The following PNPLA4 variants were observed in gnomAD, a reference collection of about 807,000 sequenced individuals.
PNPLA4 encodes patatin-like phospholipase domain-containing protein 4.
PNPLA4 carries 15 observed loss-of-function variants against 18.3 expected under a neutral mutation model. The ratio of observed to expected loss-of-function variants is 0.82; its 90% CI spans 0.55 to 1.26. The LOEUF is 1.26. Among genes scored for constraint, PNPLA4 ranks in the 50% most tolerant of loss-of-function variants. The pLI is 0.00. For missense variants in PNPLA4, 229 were observed against 196.8 expected (o/e 1.16, Z -0.98); for synonymous variants, 88 against 85.6 (o/e 1.03, Z -0.16).
chrX:7,918,679 C>T (rs1160548916), intron 4 of PNPLA4, among the ~76,000 whole-genome samples: 2 of 111,232 alleles, frequency 1.8e-5, no homozygotes, highest in Non-Finnish European at 3.8e-5. Flanking sequence ...GTGGGGTGAC[C>T]TTCAGGCAGC....
At chrX:7,919,626 A>G (rs1924151228) in intron 4 of PNPLA4, among the ~76,000 whole-genome samples, 1 of 112,237 alleles carries the variant, frequency 8.9e-6, no homozygotes, top group African/African-American at 3.2e-5. Flanking sequence ...CTTTAATTTA[A>G]TCACATCTAC....
chrX:7,920,413 G>A (rs775188074), intron 4 of PNPLA4, among the ~76,000 whole-genome samples: 1 of 112,167 alleles, frequency 8.9e-6, no homozygotes, highest in African/African-American at 3.2e-5. Flanking sequence ...ATAGAATAAT[G>A]TCTTTTTATA....
Position 7,900,697 on chromosome X carries a change from A to G in PNPLA4, c.751T>C (p.Trp251Arg). The G allele has an allele frequency of 8.7e-7, 1 of 1,149,726 alleles. No homozygotes were observed. The highest frequency in any genetic ancestry group is 2.4e-4 in the Middle Eastern group (1 of 4,144). 94.8% of individuals were successfully genotyped at this position (1,149,726 alleles called of 1,213,427 possible). A position where few individuals can be genotyped will look rare whatever the true frequency, so the allele number is the denominator to read the frequency against. ...AACTTTTATGCATTTTATTCAAACC[A>G]ATTTTCTTTAAGTAAAAACTTAACA... ...DTVKFLLKEN[W>R]FE is the part of the protein sequence containing the mutation. Residue 251 changes from tryptophan (W) to arginine (R), a missense_variant, in exon 7 of 7, where the codon TGG becomes CGG. Trp to Arg is a moderately radical substitution (Grantham distance 101, BLOSUM62 -3). Transcript: ENST00000381042.
intron 5 of PNPLA4, among the ~76,000 whole-genome samples, chrX:7,906,937 C>T (rs777260520): frequency 3.3e-4 from 37 of 112,134 alleles, no homozygotes; most frequent in African/African-American, 1.2e-3. Context: ...GGCCAAGAAG[C>T]GATCTTGTAA....
At chrX:7,906,512 C>G (rs1923709925) in intron 5 of PNPLA4, among the ~76,000 whole-genome samples, 1 of 111,982 alleles carries the variant, frequency 8.9e-6, no homozygotes, top group Admixed American at 9.5e-5. Context: ...AAACACCATA[C>G]AGAAAATTTT....
chrX:7,922,880 C>T (rs1165460046), intron 2 of PNPLA4, among the ~76,000 whole-genome samples: 1 of 112,112 alleles, frequency 8.9e-6, no homozygotes, highest in Non-Finnish European at 1.9e-5. Context: ...GGACAAGATA[C>T]AAAGACCCTG....
chrX:7,927,705 C>T (rs759154595), upstream of PNPLA4: 1 of 113,034 alleles, frequency 8.8e-6, no homozygotes, highest in Admixed American at 9.3e-5. Flanking sequence ...TCCTCATTTT[C>T]TGTGCCCCGG....
chrX:7,927,678 C>T (rs1241385381), upstream of PNPLA4: 1 of 112,909 alleles, frequency 8.9e-6, no homozygotes, highest in African/African-American at 3.2e-5. Flanking sequence ...TACCTGCGAG[C>T]AACTGACCTT....
At chrX:7,911,237 G>A (rs981246259) in intron 5 of PNPLA4, among the ~76,000 whole-genome samples, 10 of 111,901 alleles carry the variant, frequency 8.9e-5, no homozygotes, top group African/African-American at 2.3e-4. Context: ...TCCAGTATAC[G>A]TTAAATAAAC....
At chrX:7,922,234 T>C in intron 2 of PNPLA4, 136 bp from the exon 3 acceptor site, 2 of 492,327 alleles carry the variant, frequency 4.1e-6, no homozygotes, top group Middle Eastern at 5.0e-4. Context: ...ATTCCCCACC[T>C]GGCCGGGGCC....
intron 5 of PNPLA4, among the ~76,000 whole-genome samples, chrX:7,903,406 T>G (rs1324213753): frequency 9.1e-6 from 1 of 110,249 alleles, no homozygotes; most frequent in Non-Finnish European, 1.9e-5. Context: ...TTCACGCCAT[T>G]CTCCTGCCTC....
chrX:7,902,822 T>G (rs1205843713), intron 5 of PNPLA4, among the ~76,000 whole-genome samples: 3 of 111,770 alleles, frequency 2.7e-5, no homozygotes, highest in African/African-American at 9.8e-5. Context: ...CCTCAGCCCC[T>G]AGCTCTACAG....
At chrX:7,911,462 T>C (rs1310566830) in intron 5 of PNPLA4, among the ~76,000 whole-genome samples, 1 of 110,726 alleles carries the variant, frequency 9.0e-6, no homozygotes, top group Non-Finnish European at 1.9e-5. Context: ...TGGAAGCCCA[T>C]GTCTAAATTT....
At position 7,925,861 on chromosome X, in the gene PNPLA4, T is replaced by C. The variant is rs918421157; in HGVS notation, c.180+79A>G. On this transcript the variant is annotated intron_variant, in intron 2 of 6. Transcript: ENST00000381042. ...CGATTATTTCTCTGCAGTGTTAACT[T>C]AGTAGAGTCAATGCTGGTGTTTGCC... 2.3e-5 allele frequency: 19 copies of C among 834,550 alleles called. No individual in the cohort carries two copies. The South Asian group carries it at 2.7e-4, about 12-fold the overall frequency. 68.8% of individuals were successfully genotyped at this position (834,550 alleles called of 1,213,427 possible).
chrX:7,901,547 G>A (rs750912934), intron 6 of PNPLA4, among the ~76,000 whole-genome samples: 20 of 111,805 alleles, frequency 1.8e-4, no homozygotes, highest in Admixed American at 4.7e-4. Context: ...TGATCTTGCC[G>A]CTGCACTCCA....
chrX:7,909,741 C>T (rs1054400059), intron 5 of PNPLA4, among the ~76,000 whole-genome samples: 3 of 110,341 alleles, frequency 2.7e-5, no homozygotes, highest in African/African-American at 9.9e-5. Flanking sequence ...GTAATCACAT[C>T]TAAGTTCTGG....
intron 1 of PNPLA4, 31 bp from the exon 2 acceptor site, chrX:7,926,163 G>A: frequency 9.4e-7 from 1 of 1,060,489 alleles, no homozygotes; most frequent in Non-Finnish European, 1.3e-6. Flanking sequence ...AATGCTGTAA[G>A]TTGGAATAGT....
rs1923483558 is a variant in PNPLA4 at position 7,900,145 on chromosome X, GC to G, written c.*540del. ...CCATTAAACCTTTCTTTTGTAAATT[GC>G]CCAGTCTTGGGTATGTCTTTCTCAG... On this transcript the variant is annotated 3_prime_UTR_variant, in exon 7 of 7. Transcript: ENST00000381042. The G allele has an allele frequency of 8.6e-6, 1 of 116,042 alleles. No homozygotes were observed. The highest frequency in any genetic ancestry group is 1.8e-5 in the Non-Finnish European group (1 of 56,497). 9.6% of individuals were successfully genotyped at this position (116,042 alleles called of 1,213,427 possible). A position where few individuals can be genotyped will look rare whatever the true frequency, so the allele number is the denominator to read the frequency against.
intron 4 of PNPLA4, 59 bp downstream of exon 4, chrX:7,921,654 A>T: frequency 9.8e-7 from 1 of 1,025,503 alleles, no homozygotes; most frequent in South Asian, 1.9e-5. Flanking sequence ...ATTACTTTAT[A>T]TGAAGTATTG....
Sources: allele counts gnomAD v4.1 joint callset (sites outside exome capture counted in the v4.1 genomes callset), GRCh38; gene constraint gnomAD v4.1.1; transcripts MANE v1.5; gene names NCBI Gene and HGNC (gene_info 2026-07-23, HGNC 2026-07-21).